The following CTNNA1 variants were observed in gnomAD, a reference collection of about 807,000 sequenced individuals.
The protein encoded by CTNNA1 is catenin alpha 1.
Under a neutral mutation model 98.4 loss-of-function variants are expected in CTNNA1, and 37 were observed. That is an observed-to-expected ratio of 0.38 (90% CI 0.29 to 0.49). The LOEUF (loss-of-function observed/expected upper bound fraction) is 0.49. Among genes scored for constraint, CTNNA1 ranks in the 20% least tolerant of loss-of-function variants. The pLI, the probability that CTNNA1 is intolerant of heterozygous loss-of-function variation, is 0.95. For synonymous variants in CTNNA1, 404 were observed against 413.2 expected (o/e 0.98, Z 0.27); for missense variants, 761 against 1,147.2 (o/e 0.66, Z 4.86).
At chr5:138,755,725 T>G (rs998267736) in intron 1 of CTNNA1, among the ~76,000 whole-genome samples, 2 of 152,126 alleles carry the variant, frequency 1.3e-5, no homozygotes, top group Admixed American at 1.3e-4. Context: ...GGAAGCTTTT[T>G]GGGTGTCCCA....
chr5:138,804,238 TC>T (rs1478727431), intron 3 of CTNNA1, among the ~76,000 whole-genome samples: 9 of 152,238 alleles, frequency 5.9e-5, no homozygotes, highest in Admixed American at 5.2e-4. Flanking sequence ...TAGGCCTATA[TC>T]CAGCTCCAGA....
At chr5:138,928,324 A>G (rs1764563445) in intron 13 of CTNNA1, among the ~76,000 whole-genome samples, 1 of 152,176 alleles carries the variant, frequency 6.6e-6, no homozygotes, top group Non-Finnish European at 1.5e-5. Flanking sequence ...ATTAAAGCAA[A>G]GAGCTAGGAC....
Position 138,929,227 on chromosome 5 carries a change from A to C in CTNNA1, c.1900-19A>C, listed in dbSNP as rs2150324405. On this transcript the variant is annotated intron_variant, in intron 13 of 17. Transcript: ENST00000302763. ...GGCCCAGAGATGTGTCTGACCTGTGATCTTTGTCTGGGTGGCAGACCCCTG... is the reference window on the plus strand; with the variant it reads ...GGCCCAGAGATGTGTCTGACCTGTGCTCTTTGTCTGGGTGGCAGACCCCTG... 3.6e-6 allele frequency: 5 copies of C among 1,374,046 alleles called. No individual in the cohort carries two copies. The highest frequency in any genetic ancestry group is 5.2e-6 in the Non-Finnish European group (5 of 960,854). The allele number at this position is 1,374,046 out of a possible 1,614,324, so 85.1% of individuals were successfully genotyped here.
At chr5:138,754,760 T>C (rs1327157156) in intron 1 of CTNNA1, 1 of 152,222 alleles carries the variant, frequency 6.6e-6, no homozygotes, top group Admixed American at 6.5e-5. Context: ...ATCTGGACTT[T>C]TGAACAAACA....
At chr5:138,805,252 A>C (rs1016034363) in intron 3 of CTNNA1, among the ~76,000 whole-genome samples, 1 of 152,214 alleles carries the variant, frequency 6.6e-6, no homozygotes, top group Non-Finnish European at 1.5e-5. Context: ...GATGTGGGCA[A>C]GGACACAGAT....
intron 7 of CTNNA1, among the ~76,000 whole-genome samples, chr5:138,831,088 A>G (rs920071890): frequency 5.3e-5 from 8 of 152,244 alleles, no homozygotes; most frequent in Non-Finnish European, 1.0e-4. Context: ...TGTAAAGTCC[A>G]GAAAGGCTCA....
chr5:138,898,340 C>A (rs1757352689), intron 9 of CTNNA1, among the ~76,000 whole-genome samples: 1 of 152,076 alleles, frequency 6.6e-6, no homozygotes, highest in Admixed American at 6.6e-5. Flanking sequence ...TTACCCAATC[C>A]CAGATATTTC....
intron 13 of CTNNA1, among the ~76,000 whole-genome samples, chr5:138,928,535 T>A (rs1764616189): frequency 6.6e-6 from 1 of 152,248 alleles, no homozygotes; most frequent in Non-Finnish European, 1.5e-5. Context: ...ATCCGCTTAA[T>A]ACTATACAAA....
intron 3 of CTNNA1, among the ~76,000 whole-genome samples, chr5:138,795,969 A>G (rs1233797588): frequency 6.6e-6 from 1 of 152,182 alleles, no homozygotes; most frequent in Non-Finnish European, 1.5e-5. Flanking sequence ...TCACGTGGGT[A>G]GAGATATGTT....
chr5:138,805,958 A>G (rs1758042952), intron 3 of CTNNA1, among the ~76,000 whole-genome samples: 1 of 152,144 alleles, frequency 6.6e-6, no homozygotes, highest in Non-Finnish European at 1.5e-5. Context: ...CATAGCTAAG[A>G]AACCATTGTG....
chr5:138,888,661 C>T (rs1002232281), intron 9 of CTNNA1, among the ~76,000 whole-genome samples: 2 of 152,140 alleles, frequency 1.3e-5, no homozygotes, highest in African/African-American at 4.8e-5. Flanking sequence ...AATTCTCCTG[C>T]CTCAGCCTCC....
At chr5:138,897,212 C>G (rs910123399) in intron 9 of CTNNA1, among the ~76,000 whole-genome samples, 1 of 150,438 alleles carries the variant, frequency 6.6e-6, no homozygotes, top group African/African-American at 2.4e-5. Flanking sequence ...AGATTCTATT[C>G]CATGGACTAC....
chr5:138,892,327 A>ATTTTTT (rs1755571593), intron 9 of CTNNA1, among the ~76,000 whole-genome samples: 1 of 103,186 alleles, frequency 9.7e-6, no homozygotes, highest in African/African-American at 3.9e-5. Context: ...AAAATAGCTT[A>ATTTTTT]GTTTTTTTTT....
At chr5:138,865,596 T>G (rs1321015316) in intron 7 of CTNNA1, among the ~76,000 whole-genome samples, 1 of 152,228 alleles carries the variant, frequency 6.6e-6, no homozygotes, top group Non-Finnish European at 1.5e-5. Flanking sequence ...GCCAAATTGG[T>G]GTATAGTGTA....
chr5:138,897,297 C>A (rs77781967), intron 9 of CTNNA1, among the ~76,000 whole-genome samples: 2 of 67,728 alleles, frequency 3.0e-5, no homozygotes, highest in Non-Finnish European at 3.2e-5. Flanking sequence ...ACACCGCACC[C>A]CCCCCCCCCC....
chr5:138,896,439 C>CT (rs1454631955), intron 9 of CTNNA1, among the ~76,000 whole-genome samples: 4 of 152,154 alleles, frequency 2.6e-5, no homozygotes, highest in Admixed American at 6.5e-5. Context: ...TGAGATCTCT[C>CT]TTAACTGTTA....
chr5:138,885,216 T>A (rs748994580), intron 7 of CTNNA1, among the ~76,000 whole-genome samples: 1 of 152,178 alleles, frequency 6.6e-6, no homozygotes, highest in Non-Finnish European at 1.5e-5. Flanking sequence ...TAACCATTCA[T>A]CTGCTCTACT....
chr5:138,872,967 A>T (rs748734869), intron 7 of CTNNA1: 10 of 1,417,708 alleles, frequency 7.1e-6, no homozygotes, highest in Middle Eastern at 3.7e-4. Context: ...TACTATGTAA[A>T]ATAGGTTACT....
intron 1 of CTNNA1, among the ~76,000 whole-genome samples, chr5:138,775,916 C>T (rs1345776236): frequency 2.6e-5 from 4 of 150,972 alleles, no homozygotes; most frequent in Admixed American, 6.6e-5. Context: ...TTAGTAGAGA[C>T]GGGGTTTCAC....
Sources: gnomAD v4.1 joint callset for allele counts (sites outside exome capture counted in the v4.1 genomes callset) on GRCh38, gnomAD v4.1.1 for gene constraint, MANE v1.5 for transcripts, NCBI Gene and HGNC (gene_info 2026-07-23, HGNC 2026-07-21) for gene names.